The following MECOM variants were observed in gnomAD, a reference collection of about 807,000 sequenced individuals.
The protein encoded by MECOM is MDS1 and EVI1 complex locus, also known as histone-lysine N-methyltransferase MECOM.
MECOM carries 13 observed loss-of-function variants against 116.3 expected under a neutral mutation model. The ratio of observed to expected loss-of-function variants is 0.11; its 90% CI spans 0.07 to 0.18. MECOM has a LOEUF of 0.18. Ranked by LOEUF, MECOM falls within the 10% of genes least tolerant of loss-of-function variation. The pLI is 1.00. For synonymous variants in MECOM, 528 were observed against 535.2 expected, an observed-to-expected ratio of 0.99 and a Z score of 0.19; for missense variants, 1,299 against 1,509.0, an observed-to-expected ratio of 0.86 and a Z score of 2.31.
chr3:169,439,775 T>A (rs1039340792), intron 1 of MECOM, among the ~76,000 whole-genome samples: 1 of 152,144 alleles, frequency 6.6e-6, no homozygotes, highest in Non-Finnish European at 1.5e-5. Context: ...ACATTCCTTA[T>A]ATGAAAAACT....
intron 16 of MECOM, among the ~76,000 whole-genome samples, chr3:169,085,475 C>G (rs967452139): frequency 2.6e-5 from 4 of 152,156 alleles, no homozygotes; most frequent in African/African-American, 7.2e-5. Flanking sequence ...CAGCCTGACT[C>G]CTACACTTTA....
chr3:169,323,507 G>A (rs191667793), intron 2 of MECOM, among the ~76,000 whole-genome samples: 2 of 152,228 alleles, frequency 1.3e-5, no homozygotes, highest in East Asian at 1.9e-4. Context: ...GGCAGGCCAG[G>A]GAATGCTTAT....
In MECOM at chr3:169,102,078, T is replaced by A. The variant is rs1723748056; in HGVS notation, c.2753A>T (p.Lys918Met). Residue 918 changes from lysine to methionine, a missense_variant, in exon 11 of 17, where the codon AAG becomes ATG. Transcript: ENST00000651503. ...ALPENLLRKGKERYTCRYCGK... is the reference protein window; with the variant it reads ...ALPENLLRKGMERYTCRYCGK... Reference sequence around the variant, plus strand: ...CAGTTACCTGCAGGTATAGCGCTCCTTTCCCTTCCGCAGAAGGTTCTCTGG... The same window carrying A: ...CAGTTACCTGCAGGTATAGCGCTCCATTCCCTTCCGCAGAAGGTTCTCTGG... 6.2e-7 allele frequency: 1 copy of A among 1,612,900 alleles called. No individual in the cohort carries two copies. Among genetic ancestry groups the A allele is most frequent in the Non-Finnish European group, 8.5e-7 (1 of 1,179,696 alleles).
At chr3:169,661,775 T>G (rs1333332230) in intron 1 of MECOM, among the ~76,000 whole-genome samples, 1 of 152,160 alleles carries the variant, frequency 6.6e-6, no homozygotes, top group Non-Finnish European at 1.5e-5. Flanking sequence ...CCGTATTTGG[T>G]TCTAATGTGC....
chr3:169,086,509 T>A (rs1717794301), intron 16 of MECOM: 1 of 693,880 alleles, frequency 1.4e-6, no homozygotes, highest in Non-Finnish European at 2.6e-6. Flanking sequence ...CTGCCTCTAC[T>A]CACCTAGCTG....
chr3:169,412,029 T>G (rs1052529423), intron 1 of MECOM, among the ~76,000 whole-genome samples: 1 of 151,762 alleles, frequency 6.6e-6, no homozygotes, highest in Non-Finnish European at 1.5e-5. Context: ...TTCATGACTG[T>G]AATCCCAGCA....
At chr3:169,485,935 A>ATATATATATG (rs1752172750) in intron 1 of MECOM, among the ~76,000 whole-genome samples, 1 of 72,074 alleles carries the variant, frequency 1.4e-5, no homozygotes. Flanking sequence ...TATATATAGT[A>ATATATATATG]TATATGTATG....
Position 169,656,988 on chromosome 3 carries a change from G to A in MECOM, c.37+6348C>T, listed in dbSNP as rs551031704. ...TTTTTTCACCAAAGTGAAATATGAA[G>A]ATAATATCTATATATTTACTCCTTC... On this transcript the variant is annotated intron_variant, in intron 1 of 16. Coordinates refer to ENST00000651503, the MANE Select transcript of MECOM (RefSeq NM_004991.4). 2.0e-5 allele frequency among the ~76,000 whole-genome samples: 3 copies of A among 152,224 alleles called. No homozygotes were observed. In the South Asian group the frequency reaches 6.2e-4, roughly 32 times the overall value.
intron 1 of MECOM, among the ~76,000 whole-genome samples, chr3:169,648,035 T>C (rs1774398079): frequency 6.6e-6 from 1 of 152,086 alleles, no homozygotes; most frequent in African/African-American, 2.4e-5. Flanking sequence ...CAGGGAGGGC[T>C]CAAAACACCA....
chr3:169,146,928 C>T, intron 2 of MECOM: 1 of 1,024,482 alleles, frequency 9.8e-7, no homozygotes, highest in Non-Finnish European at 1.2e-6. Context: ...TCTCTGACAA[C>T]TTTGTCCGTC....
At chr3:169,273,315 T>C (rs1331819290) in intron 2 of MECOM, among the ~76,000 whole-genome samples, 1 of 152,158 alleles carries the variant, frequency 6.6e-6, no homozygotes, top group Non-Finnish European at 1.5e-5. Flanking sequence ...AAAAAGGATA[T>C]AGTTCAAAAT....
At chr3:169,238,552 A>G (rs532296527) in intron 2 of MECOM, among the ~76,000 whole-genome samples, 1 of 152,246 alleles carries the variant, frequency 6.6e-6, no homozygotes, top group African/African-American at 2.4e-5. Context: ...ATAAAACCAA[A>G]CCAAAAAAAC....
rs948635565 is a variant in MECOM at position 169,418,661 on chromosome 3, A to G, written c.38-37137T>C. Among the ~76,000 whole-genome samples, 7 of 152,194 alleles carry G rather than the reference A, an allele frequency of 4.6e-5. No homozygotes were observed. The East Asian group carries it at 1.2e-3, about 25-fold the overall frequency. ...TGACAAAAACCACATGATTATCTCA[A>G]TAGATGCAGAAAAGGCCTTCGATAA... On this transcript the variant is annotated intron_variant, in intron 1 of 16. Coordinates refer to ENST00000651503, the MANE Select transcript of MECOM (RefSeq NM_004991.4).
chr3:169,504,924 T>G (rs1244077786), intron 1 of MECOM, among the ~76,000 whole-genome samples: 1 of 152,210 alleles, frequency 6.6e-6, no homozygotes, highest in Non-Finnish European at 1.5e-5. Flanking sequence ...GCTGGCTGAT[T>G]GCATCTGCAT....
Position 169,663,495 on chromosome 3 carries a change from T to A in MECOM, c.-123A>T. On this transcript the variant is annotated 5_prime_UTR_variant, in exon 1 of 17. Transcript: ENST00000651503. ...TCCTGTCTCTCTCTCTCTCTCTCTC[T>A]CTCTCTCTCTCTCTCTCTCTCTCTC... 2 of 633,590 alleles carry A rather than the reference T, an allele frequency of 3.2e-6. No individual in the cohort carries two copies. The highest frequency in any genetic ancestry group is 5.6e-6 in the Non-Finnish European group (2 of 358,356). 39.2% of individuals were successfully genotyped at this position (633,590 alleles called of 1,614,324 possible).
At chr3:169,249,637 G>A (rs1207801207) in intron 2 of MECOM, among the ~76,000 whole-genome samples, 1 of 152,176 alleles carries the variant, frequency 6.6e-6, no homozygotes, top group African/African-American at 2.4e-5. Context: ...ATACAGTCTA[G>A]ATTGCCTTGA....
chr3:169,365,951 G>A lies in MECOM; in HGVS notation c.375+15236C>T, dbSNP rs147027507. On this transcript the variant is annotated intron_variant, in intron 2 of 16. Coordinates refer to ENST00000651503, the MANE Select transcript of MECOM (RefSeq NM_004991.4). ...AAGCATCTATTTCTTTAGATATCAT[G>A]ACCTAGCCAAGAGAAGCCTTAGTAA... Among the ~76,000 whole-genome samples, 442 of 152,106 alleles carry A rather than the reference G, an allele frequency of 2.9e-3. 1 individual carries two copies. Among genetic ancestry groups the A allele is most frequent in the Non-Finnish European group, 5.1e-3 (348 of 67,952 alleles).
At chr3:169,511,946 T>C (rs1756023362) in intron 1 of MECOM, among the ~76,000 whole-genome samples, 1 of 152,230 alleles carries the variant, frequency 6.6e-6, no homozygotes, top group Non-Finnish European at 1.5e-5. Context: ...GTAAATTGCT[T>C]TAAATGTTCT....
At chr3:169,299,856 A>G (rs1179258595) in intron 2 of MECOM, among the ~76,000 whole-genome samples, 2 of 151,912 alleles carry the variant, frequency 1.3e-5, no homozygotes, top group Non-Finnish European at 2.9e-5. Context: ...AACAAATTGC[A>G]TAATTTTTTT....
Sources: gnomAD v4.1 joint callset for allele counts (sites outside exome capture counted in the v4.1 genomes callset) on GRCh38, gnomAD v4.1.1 for gene constraint, MANE v1.5 for transcripts, NCBI Gene and HGNC (gene_info 2026-07-23, HGNC 2026-07-21) for gene names.